RRM1: variants seen among roughly 807,000 people sequenced by gnomAD.
RRM1 encodes the protein ribonucleoside-diphosphate reductase large subunit.
In RRM1, 19 loss-of-function variants were observed where a neutral mutation model predicts 101.5. The ratio of observed to expected loss-of-function variants is 0.19; its 90% CI spans 0.13 to 0.27. RRM1 has a LOEUF of 0.27. Among genes scored for constraint, RRM1 ranks in the 10% least tolerant of loss-of-function variants. The pLI is 1.00. For missense variants in RRM1, 500 were observed against 962.9 expected, an observed-to-expected ratio of 0.52 and a Z score of 6.36; for synonymous variants, 298 against 323.4, an observed-to-expected ratio of 0.92 and a Z score of 0.84.
At chr11:4,105,266 GC>G (rs1422423936) in intron 2 of RRM1, among the ~76,000 whole-genome samples, 2 of 151,708 alleles carry the variant, frequency 1.3e-5, no homozygotes, top group Non-Finnish European at 2.9e-5. Flanking sequence ...TCATTGTGTC[GC>G]CCAGGCTGGA....
At chr11:4,117,895 G>A (rs232043) in intron 7 of RRM1, among the ~76,000 whole-genome samples, 136,275 of 152,234 alleles carry the variant, frequency 0.9, 61,197 homozygotes, top group Non-Finnish European at 0.93. Context: ...TTTGGTAGAC[G>A]TATCAAAGAA....
rs1019111927 is a variant in RRM1 at position 4,135,878 on chromosome 11, C to T, written c.2190+608C>T. Among the ~76,000 whole-genome samples the T allele has an allele frequency of 2.0e-5, 3 of 150,054 alleles. No homozygotes were observed. In the Admixed American group the frequency reaches 2.0e-4, roughly 10 times the overall value. ...TTTTAATTTAACATTTATTGAACAT[C>T]TAGTATGTGCCAGGACTGAGGATAC... On this transcript the variant is annotated intron_variant, in intron 18 of 18. Coordinates refer to ENST00000300738, the MANE Select transcript of RRM1 (RefSeq NM_001033.5).
chr11:4,095,842 T>A (rs1171820593), intron 1 of RRM1, among the ~76,000 whole-genome samples: 1 of 152,208 alleles, frequency 6.6e-6, no homozygotes, highest in Non-Finnish European at 1.5e-5. Context: ...ACAGGCTTCA[T>A]CGGGTTGGAA....
At position 4,094,807 on chromosome 11, in the gene RRM1, G is replaced by T; in HGVS notation, c.-206G>T. On this transcript the variant is annotated 5_prime_UTR_variant, in exon 1 of 19. Coordinates refer to ENST00000300738, the MANE Select transcript of RRM1 (RefSeq NM_001033.5). ...TTCGAACCCCGTCGCGCCCCTTTGT[G>T]CGTCACGGGTGGCGGGCGCGGGAAG... The T allele has an allele frequency of 1.7e-6, 1 of 604,778 alleles. No homozygotes were observed. Among genetic ancestry groups the T allele is most frequent in the East Asian group, 2.8e-5 (1 of 35,786 alleles). 37.5% of individuals were successfully genotyped at this position (604,778 alleles called of 1,614,324 possible).
chr11:4,111,579 T>G, intron 5 of RRM1, 22 bp from the exon 6 acceptor site: 2 of 1,583,344 alleles, frequency 1.3e-6, no homozygotes, highest in Non-Finnish European at 1.7e-6. Flanking sequence ...CTGAAAATTT[T>G]TTGTTGTTTC....
At chr11:4,129,277 C>T in intron 15 of RRM1, 127 bp downstream of exon 15, 8 of 538,404 alleles carry the variant, frequency 1.5e-5, no homozygotes, top group Non-Finnish European at 2.6e-5. Flanking sequence ...CTAAAATGGC[C>T]TATCTCACAA....
intron 5 of RRM1, 55 bp from the exon 6 acceptor site, chr11:4,111,546 A>G (rs1398515082): frequency 7.8e-7 from 1 of 1,279,336 alleles, no homozygotes; most frequent in Non-Finnish European, 1.1e-6. Context: ...TGATATATCC[A>G]CTGCGTCTTT....
At chr11:4,095,164 C>T (rs2094541788) in intron 1 of RRM1, 133 bp downstream of exon 1, 9 of 1,086,540 alleles carry the variant, frequency 8.3e-6, no homozygotes, top group Non-Finnish European at 1.2e-5. Flanking sequence ...CGGCCTTCCG[C>T]CCTGTCAGCC....
intron 7 of RRM1, 89 bp downstream of exon 7, chr11:4,112,151 G>T: frequency 2.2e-6 from 2 of 925,598 alleles, no homozygotes; most frequent in South Asian, 3.3e-5. Context: ...TGACCTTTTA[G>T]TAGCTGCCTG....
chr11:4,135,679 A>G (rs1257026672), intron 18 of RRM1, among the ~76,000 whole-genome samples: 2 of 152,118 alleles, frequency 1.3e-5, no homozygotes, highest in African/African-American at 2.4e-5. Flanking sequence ...TTCCTCAGAT[A>G]AAACTTTGCA....
chr11:4,104,477 A>G (rs562670071), intron 2 of RRM1, among the ~76,000 whole-genome samples: 46 of 152,288 alleles, frequency 3.0e-4, no homozygotes, highest in Admixed American at 5.9e-4. Flanking sequence ...TGTTTTTCTT[A>G]AAAATGTATG....
intron 18 of RRM1, among the ~76,000 whole-genome samples, chr11:4,136,714 G>A (rs1463681581): frequency 1.3e-5 from 2 of 150,900 alleles, no homozygotes; most frequent in South Asian, 2.1e-4. Flanking sequence ...GAGCCACAGC[G>A]CCCAGCCAGG....
intron 15 of RRM1, 117 bp downstream of exon 15, chr11:4,129,267 C>T (rs907503916): frequency 5.4e-6 from 3 of 556,080 alleles, no homozygotes; most frequent in Non-Finnish European, 9.6e-6. Context: ...ACAAATGGGG[C>T]TAAAATGGCC....
intron 2 of RRM1, among the ~76,000 whole-genome samples, chr11:4,102,514 C>T (rs1370763307): frequency 1.4e-4 from 22 of 152,022 alleles, no homozygotes; most frequent in Non-Finnish European, 2.4e-4. Flanking sequence ...AAAAATTAGC[C>T]GGGCCTGGTG....
Position 4,094,908 on chromosome 11 carries a change from C to T in RRM1, c.-105C>T, listed in dbSNP as rs567817771. 2.5e-6 allele frequency: 3 copies of T among 1,216,350 alleles called. No homozygotes were observed. Among genetic ancestry groups the T allele is most frequent in the East Asian group, 2.5e-5 (1 of 39,226 alleles). 75.3% of individuals were successfully genotyped at this position (1,216,350 alleles called of 1,614,324 possible). On this transcript the variant is annotated 5_prime_UTR_variant, in exon 1 of 19. Coordinates refer to ENST00000300738, the MANE Select transcript of RRM1 (RefSeq NM_001033.5). ...AACTCCAGTTCTTTCCCCTGAGCAG[C>T]GCCTGGAACCTAACCCTTCCCACTC... is the stretch of plus-strand genomic sequence containing the variant.
At position 4,127,021 on chromosome 11, in the gene RRM1, C is replaced by T. The variant is rs758982495; in HGVS notation, c.1471-14C>T. ...AATGTTTTCTCCTTTTCTTTAAAAT[C>T]TGTTGACACAAAGGCATGCCTATCA... On this transcript the variant is annotated splice_polypyrimidine_tract_variant and intron_variant, in intron 13 of 18. Coordinates refer to ENST00000300738, the MANE Select transcript of RRM1 (RefSeq NM_001033.5). The T allele has an allele frequency of 1.3e-6, 2 of 1,592,726 alleles. No individual in the cohort carries two copies. Among genetic ancestry groups the T allele is most frequent in the Admixed American group, 3.6e-5 (2 of 55,062 alleles).
chr11:4,124,081 A>C (rs2094585897), intron 12 of RRM1, among the ~76,000 whole-genome samples: 2 of 152,174 alleles, frequency 1.3e-5, no homozygotes, highest in Admixed American at 1.3e-4. Flanking sequence ...TTGATGGTGC[A>C]AGTAGATTAA....
chr11:4,100,476 G>T (rs1208692178), intron 1 of RRM1, among the ~76,000 whole-genome samples: 3 of 152,198 alleles, frequency 2.0e-5, no homozygotes, highest in African/African-American at 7.2e-5. Context: ...ATGGTCCAAG[G>T]AACATTTTCT....
intron 15 of RRM1, among the ~76,000 whole-genome samples, chr11:4,131,412 G>A (rs1266927702): frequency 6.6e-6 from 1 of 152,190 alleles, no homozygotes; most frequent in East Asian, 1.9e-4. Context: ...CAGGATATGA[G>A]GCTGTATGCT....
Sources: allele counts gnomAD v4.1 joint callset (sites outside exome capture counted in the v4.1 genomes callset), GRCh38; gene constraint gnomAD v4.1.1; transcripts MANE v1.5; gene names NCBI Gene and HGNC (gene_info 2026-07-23, HGNC 2026-07-21).